Variants in CMTR1 observed in about 807,000 individuals in gnomAD.
The protein encoded by CMTR1 is cap methyltransferase 1, also known as cap-specific mRNA (nucleoside-2'-O-)-methyltransferase 1.
A neutral mutation model predicts 107.0 loss-of-function variants in CMTR1; 39 were observed. The observed-to-expected ratio is 0.36, with a 90% confidence interval of 0.28 to 0.48. The LOEUF (loss-of-function observed/expected upper bound fraction) is 0.48. Ranked by LOEUF, CMTR1 falls within the 20% of genes least tolerant of loss-of-function variation. The pLI is 0.99. For synonymous variants in CMTR1, 366 were observed against 379.5 expected, an observed-to-expected ratio of 0.96 and a Z score of 0.41; for missense variants, 672 against 1,064.9, an observed-to-expected ratio of 0.63 and a Z score of 5.14.
intron 2 of CMTR1, among the ~76,000 whole-genome samples, chr6:37,441,858 A>C (rs77840456): frequency 0.012 from 1,819 of 152,182 alleles, 18 homozygotes; most frequent in Middle Eastern, 0.048. Flanking sequence ...ACTCTCTGGC[A>C]CTCTGTGACG....
chr6:37,466,760 G>T (rs979291548), intron 13 of CMTR1, among the ~76,000 whole-genome samples: 2 of 152,136 alleles, frequency 1.3e-5, no homozygotes, highest in African/African-American at 4.8e-5. Context: ...TCATTTTCAA[G>T]ATTATTTTGG....
At chr6:37,455,499 A>G (rs144724986) in intron 8 of CMTR1, among the ~76,000 whole-genome samples, 70 of 152,322 alleles carry the variant, frequency 4.6e-4, no homozygotes, top group African/African-American at 1.6e-3. Context: ...GACGGAGGGA[A>G]ATTTAGATCC....
At chr6:37,452,834 C>A (rs962886389) in intron 6 of CMTR1, among the ~76,000 whole-genome samples, 1 of 151,982 alleles carries the variant, frequency 6.6e-6, no homozygotes. Flanking sequence ...ATGTGCCAGG[C>A]ACCTGTTTAC....
intron 19 of CMTR1, chr6:37,475,860 ACTGAGCACAG>A (rs1761726026): frequency 1.9e-6 from 1 of 522,948 alleles, no homozygotes; most frequent in African/African-American, 1.9e-5. Context: ...AGTGGAGGTG[ACTGAGCACAG>A]CTGAAGGCAC....
chr6:37,462,109 C>G lies in CMTR1; in HGVS notation c.1325+7C>G, dbSNP rs372462143. On this transcript the variant is annotated splice_region_variant and intron_variant, in intron 12 of 23. Transcript: ENST00000373451. ...GTCCTGCCAACTCAGAGAGGTGAAG[C>G]CTTTCTCTCTATATTAGCCAGATTA... 1.9e-6 allele frequency: 3 copies of G among 1,613,908 alleles called. No homozygotes were observed. The highest frequency in any genetic ancestry group is 2.2e-5 in the East Asian group (1 of 44,894).
chr6:37,425,901 C>G, the CMTR1 span, among the ~76,000 whole-genome samples: 1 of 152,190 alleles, frequency 6.6e-6, no homozygotes, highest in Non-Finnish European at 1.5e-5. Context: ...CCCTCTGACA[C>G]TCCCACAATG....
At chr6:37,427,861 C>T in the CMTR1 span, among the ~76,000 whole-genome samples, 1 of 152,180 alleles carries the variant, frequency 6.6e-6, no homozygotes, top group African/African-American at 2.4e-5. The surrounding 1 kb of genome is among the most constrained non-coding windows in gnomAD (Gnocchi z 4.4). Context: ...TAGAATTCCA[C>T]GTTGACTGTT....
intron 3 of CMTR1, 34 bp from the exon 4 acceptor site, chr6:37,446,257 T>C: frequency 6.2e-7 from 1 of 1,609,540 alleles, no homozygotes. Flanking sequence ...CTGTTGAACC[T>C]AATTAATTGT....
chr6:37,459,671 T>C lies in CMTR1; in HGVS notation c.1082T>C (p.Leu361Pro). ...DNTDRKGVHF[L>P]MADGGFSVEG... ...ACAGATCGCAAGGGTGTCCATTTTC[T>C]GATGGCTGATGGGGTAGGTTACCTT... The change falls in exon 10 of 24, where the codon CTG (leucine) becomes CCG (proline). Residue 361 changes from leucine (L) to proline (P), a missense_variant. This residue lies in a region of CMTR1 where 583 missense variants were observed against 968.4 expected (regional missense o/e 0.60). Coordinates refer to ENST00000373451, the MANE Select transcript of CMTR1 (RefSeq NM_015050.3). 1.2e-6 allele frequency: 2 copies of C among 1,612,742 alleles called. No individual in the cohort carries two copies. Among genetic ancestry groups the C allele is most frequent in the Non-Finnish European group, 1.7e-6 (2 of 1,178,694 alleles).
chr6:37,439,249 T>G (rs973760995), intron 2 of CMTR1, among the ~76,000 whole-genome samples: 1 of 152,240 alleles, frequency 6.6e-6, no homozygotes, highest in Non-Finnish European at 1.5e-5. Context: ...TATTTTCAAG[T>G]GTAAATACAT....
intron 7 of CMTR1, 22 bp downstream of exon 7, chr6:37,453,163 C>T (rs1235553022): frequency 2.5e-6 from 4 of 1,612,804 alleles, no homozygotes; most frequent in African/African-American, 2.7e-5. Context: ...TTTCCCTCCC[C>T]TCCCCTGATG....
chr6:37,471,817 T>C, intron 14 of CMTR1, 30 bp from the exon 15 acceptor site: 1 of 1,612,424 alleles, frequency 6.2e-7, no homozygotes, highest in Admixed American at 1.7e-5. Flanking sequence ...TCTTAGAGAT[T>C]TTAATCACTA....
At position 37,461,629 on chromosome 6, in the gene CMTR1, G is replaced by C; in HGVS notation, c.1176G>C (p.Leu392=). The change falls in exon 11 of 24, where the codon CTG becomes CTC. Residue 392 remains leucine (L), a synonymous_variant. Transcript: ENST00000373451. ...QLLLCQFLMA[L]SIVRTGGHFI... is the part of the protein sequence containing the mutation. ...TTCTGTGTCAGTTCCTCATGGCGCTGTCCATTGTCCGGACAGGTGACACTT... is the reference window on the plus strand; with the variant it reads ...TTCTGTGTCAGTTCCTCATGGCGCTCTCCATTGTCCGGACAGGTGACACTT... 6.2e-7 allele frequency: 1 copy of C among 1,608,314 alleles called. No homozygotes were observed. Among genetic ancestry groups the C allele is most frequent in the Non-Finnish European group, 8.5e-7 (1 of 1,176,520 alleles).
At chr6:37,461,500 G>T in intron 10 of CMTR1, 49 bp from the exon 11 acceptor site, 1 of 1,020,126 alleles carries the variant, frequency 9.8e-7, no homozygotes. Flanking sequence ...GTTATTCTTA[G>T]TCCTTCTCTT....
intron 23 of CMTR1, 85 bp from the exon 24 acceptor site, chr6:37,479,928 C>T (rs1761820619): frequency 3.9e-6 from 5 of 1,286,488 alleles, no homozygotes; most frequent in African/African-American, 1.6e-5. Context: ...ATTGACAGAC[C>T]CCTCCGCCCC....
chr6:37,425,072 C>A, the CMTR1 span, among the ~76,000 whole-genome samples: 2 of 151,230 alleles, frequency 1.3e-5, no homozygotes, highest in African/African-American at 4.9e-5. Context: ...CCTCAGCCTC[C>A]AGAGTAGCTG....
chr6:37,464,996 G>A (rs749586253), intron 13 of CMTR1, among the ~76,000 whole-genome samples: 14 of 150,876 alleles, frequency 9.3e-5, no homozygotes, highest in African/African-American at 1.5e-4. Flanking sequence ...ATGGCCGGGC[G>A]CGGTGGCTCA....
intron 13 of CMTR1, among the ~76,000 whole-genome samples, chr6:37,467,854 A>G (rs554049339): frequency 2.0e-5 from 3 of 152,188 alleles, no homozygotes; most frequent in South Asian, 2.1e-4. Context: ...TATGTTTCTT[A>G]TAGACAACAT....
intron 2 of CMTR1, among the ~76,000 whole-genome samples, chr6:37,437,246 G>T (rs1394991645): frequency 1.3e-5 from 2 of 150,628 alleles, no homozygotes; most frequent in African/African-American, 4.9e-5. Context: ...TCATCAGCTG[G>T]CCAGGCGCGG....
Sources: allele counts gnomAD v4.1 joint callset (sites outside exome capture counted in the v4.1 genomes callset), GRCh38; gene constraint gnomAD v4.1.1; regional missense constraint gnomAD v4.1.1; non-coding constraint Gnocchi (gnomAD v3.1); transcripts MANE v1.5; gene names NCBI Gene and HGNC (gene_info 2026-07-23, HGNC 2026-07-21).